Variants in SIPA1L3 observed in about 807,000 individuals in gnomAD.
SIPA1L3 encodes signal induced proliferation associated 1 like 3.
Under a neutral mutation model 150.1 loss-of-function variants are expected in SIPA1L3, and 59 were observed. The ratio of observed to expected loss-of-function variants is 0.39; its 90% CI spans 0.32 to 0.49. The LOEUF (loss-of-function observed/expected upper bound fraction) is 0.49, where lower values mean the gene tolerates loss of function less well. Ranked by LOEUF, SIPA1L3 falls within the 20% of genes least tolerant of loss-of-function variation. The pLI is 0.86. For synonymous variants in SIPA1L3, 1,070 were observed against 1,077.6 expected (o/e 0.99, Z 0.14); for missense variants, 2,211 against 2,489.5 (o/e 0.89, Z 2.38).
intron 12 of SIPA1L3, among the ~76,000 whole-genome samples, chr19:38,149,089 A>C (rs1252945341): frequency 1.3e-5 from 2 of 152,194 alleles, no homozygotes; most frequent in Non-Finnish European, 2.9e-5. Context: ...CATTGGGATA[A>C]TAAAAAGTCT....
intron 2 of SIPA1L3, among the ~76,000 whole-genome samples, chr19:38,033,142 GC>G (rs1968690430): frequency 6.6e-6 from 1 of 152,208 alleles, no homozygotes; most frequent in South Asian, 2.1e-4. Flanking sequence ...CCAAGGGGCA[GC>G]CCTGCTCAGC....
chr19:38,021,934 G>T (rs1032897420), intron 1 of SIPA1L3, among the ~76,000 whole-genome samples: 1 of 152,220 alleles, frequency 6.6e-6, no homozygotes, highest in Non-Finnish European at 1.5e-5. Flanking sequence ...AGGTTCTGAA[G>T]ATACGCACCT....
At chr19:37,940,308 A>C (rs929208015) in intron 1 of SIPA1L3, among the ~76,000 whole-genome samples, 17 of 151,838 alleles carry the variant, frequency 1.1e-4, no homozygotes, top group African/African-American at 3.9e-4. Flanking sequence ...CAAAAAAAAA[A>C]ACAAAAAAAA....
chr19:38,063,133 C>T (rs1190968642), intron 2 of SIPA1L3, among the ~76,000 whole-genome samples: 2 of 152,182 alleles, frequency 1.3e-5, no homozygotes, highest in East Asian at 1.9e-4. Context: ...CCTGGCTCCC[C>T]GACAGCCCTG....
Position 38,142,613 on chromosome 19 carries a change from G to T in SIPA1L3, c.3436G>T (p.Ala1146Ser), listed in dbSNP as rs1480008891. 6.2e-7 allele frequency: 1 copy of T among 1,613,932 alleles called. No homozygotes were observed. Residue 1146 changes from alanine (A) to serine (S), a missense_variant, in exon 12 of 22, where the codon GCA becomes TCA. By Grantham distance (99) the Ala-to-Ser change is moderately conservative. Coordinates refer to ENST00000222345, the MANE Select transcript of SIPA1L3 (RefSeq NM_015073.3). ...AGAAACCCCTTACACAGTATCACCA[G>T]CAGGGGCCGACAGAGTCCCTCCCTA... ...FPETPYTVSP[A>S]GADRVPPYRQ...
chr19:37,956,306 T>A (rs943452233), intron 1 of SIPA1L3, among the ~76,000 whole-genome samples: 4 of 152,314 alleles, frequency 2.6e-5, no homozygotes, highest in African/African-American at 9.6e-5. Context: ...CATTCGTGTA[T>A]CTTCTTTGGT....
intron 1 of SIPA1L3, among the ~76,000 whole-genome samples, chr19:37,944,437 C>T (rs2046691192): frequency 6.6e-6 from 1 of 152,156 alleles, no homozygotes; most frequent in African/African-American, 2.4e-5. Context: ...GGTTCAAGTC[C>T]TAGTATTGCT....
At chr19:38,180,756 G>GT (rs1289388066) in intron 15 of SIPA1L3, among the ~76,000 whole-genome samples, 1 of 151,860 alleles carries the variant, frequency 6.6e-6, no homozygotes, top group Non-Finnish European at 1.5e-5. Context: ...TGTTGGTCAG[G>GT]CTGGTCTCGA....
At chr19:38,097,376 A>C (rs1384622052) in intron 4 of SIPA1L3, among the ~76,000 whole-genome samples, 1 of 152,164 alleles carries the variant, frequency 6.6e-6, no homozygotes, top group Non-Finnish European at 1.5e-5. Context: ...AAAAAAATAC[A>C]AACTGCCTGA....
At chr19:37,962,014 T>G (rs1026521356) in intron 1 of SIPA1L3, among the ~76,000 whole-genome samples, 2 of 152,212 alleles carry the variant, frequency 1.3e-5, no homozygotes, top group African/African-American at 2.4e-5. Context: ...TTATTTATCT[T>G]TGAACATACT....
chr19:38,054,585 C>T (rs569275348), intron 2 of SIPA1L3, among the ~76,000 whole-genome samples: 3 of 152,094 alleles, frequency 2.0e-5, no homozygotes, highest in African/African-American at 7.2e-5. Context: ...GGCGACAGAG[C>T]AACTCCATCT....
At chr19:38,186,327 T>A (rs1429910545) in intron 16 of SIPA1L3, 1 of 152,036 alleles carries the variant, frequency 6.6e-6, no homozygotes, top group Non-Finnish European at 1.5e-5. Context: ...ATTTATTTAT[T>A]TTTGAGATGG....
At chr19:37,978,245 C>T (rs541640524) in intron 1 of SIPA1L3, among the ~76,000 whole-genome samples, 4 of 152,322 alleles carry the variant, frequency 2.6e-5, no homozygotes, top group African/African-American at 9.6e-5. Context: ...CCTCACGTCA[C>T]AAGGCATCTA....
intron 1 of SIPA1L3, among the ~76,000 whole-genome samples, chr19:37,986,014 T>C (rs1967341804): frequency 6.6e-6 from 1 of 152,266 alleles, no homozygotes. Flanking sequence ...CTTCCCCAGA[T>C]AGATCAGCTC....
At chr19:38,139,394 CAG>C (rs1239632882) in intron 10 of SIPA1L3, among the ~76,000 whole-genome samples, 2 of 152,094 alleles carry the variant, frequency 1.3e-5, no homozygotes, top group Non-Finnish European at 1.5e-5. Flanking sequence ...GACCTGTTAT[CAG>C]GAGAGGGGGT....
At chr19:37,927,691 G>GTGTT (rs1568466882) in intron 1 of SIPA1L3, among the ~76,000 whole-genome samples, 27 of 131,358 alleles carry the variant, frequency 2.1e-4, no homozygotes, top group African/African-American at 7.4e-4. Flanking sequence ...GTGTGTGTGT[G>GTGTT]TATGCAATGT....
intron 10 of SIPA1L3, among the ~76,000 whole-genome samples, chr19:38,132,584 CAAAAAAA>C (rs375027167): frequency 9.2e-6 from 1 of 108,552 alleles, no homozygotes; most frequent in Non-Finnish European, 1.9e-5. Context: ...AGCTACGTCT[CAAAAAAA>C]AAAAAAAAGA....
intron 1 of SIPA1L3, among the ~76,000 whole-genome samples, chr19:37,980,770 T>C (rs1967183099): frequency 6.6e-6 from 1 of 152,200 alleles, no homozygotes; most frequent in African/African-American, 2.4e-5. Flanking sequence ...TTGGCCGTCA[T>C]TCCATATGAC....
intron 2 of SIPA1L3, among the ~76,000 whole-genome samples, chr19:38,070,203 TC>T (rs1969685632): frequency 3.3e-5 from 5 of 151,294 alleles, no homozygotes; most frequent in Non-Finnish European, 1.5e-5. Context: ...TATCTATCTA[TC>T]TATCTATCTA....
Sources: allele counts gnomAD v4.1 joint callset (sites outside exome capture counted in the v4.1 genomes callset), GRCh38; gene constraint gnomAD v4.1.1; transcripts MANE v1.5; gene names NCBI Gene and HGNC (gene_info 2026-07-23, HGNC 2026-07-21).